CHD5: variants seen among roughly 807,000 people sequenced by gnomAD.
CHD5 encodes the protein chromodomain helicase DNA binding protein 5.
Under a neutral mutation model 230.3 loss-of-function variants are expected in CHD5, and 69 were observed. The ratio of observed to expected loss-of-function variants is 0.30; its 90% CI spans 0.25 to 0.37. The LOEUF (loss-of-function observed/expected upper bound fraction) is 0.37, where lower values mean the gene tolerates loss of function less well. Among genes scored for constraint, CHD5 ranks in the 10% least tolerant of loss-of-function variants. The pLI is 1.00. For missense variants in CHD5, 1,827 were observed against 2,622.8 expected (o/e 0.70, Z 6.63); for synonymous variants, 1,064 against 1,065.9 (o/e 1.00, Z 0.03).
rs1280420312 is a variant in CHD5 at position 6,149,081 on chromosome 1, G to A, written c.1162-6C>T. 1.3e-6 allele frequency: 2 copies of A among 1,511,120 alleles called. No individual in the cohort carries two copies. Among genetic ancestry groups the A allele is most frequent in the Non-Finnish European group, 1.8e-6 (2 of 1,127,680 alleles). 93.6% of individuals were successfully genotyped at this position (1,511,120 alleles called of 1,614,324 possible). A position where few individuals can be genotyped will look rare whatever the true frequency, so the allele number is the denominator to read the frequency against. On this transcript the variant is annotated splice_polypyrimidine_tract_variant and splice_region_variant and intron_variant, in intron 8 of 41. Coordinates refer to ENST00000262450, the MANE Select transcript of CHD5 (RefSeq NM_015557.3). The stretch of plus-strand genomic sequence containing the variant: ...CACTGGATCCCCTCCTTCTCCTGGG[G>A]GAGGAGGCCAGGTGGAGGCACCCTG...
chr1:6,110,195 C>G (rs77521993), intron 37 of CHD5, among the ~76,000 whole-genome samples, 199 bp downstream of exon 37: 61 of 152,328 alleles, frequency 4.0e-4, no homozygotes, highest in Non-Finnish European at 5.3e-4. Context: ...CACCCCAAGG[C>G]GGCAGATACT....
chr1:6,132,804 AG>A (rs1666678238), intron 20 of CHD5, among the ~76,000 whole-genome samples: 2 of 151,884 alleles, frequency 1.3e-5, no homozygotes, highest in African/African-American at 2.4e-5. Context: ...TCTTTATTTT[AG>A]GGTGTCAATT....
rs182828086 is a variant in CHD5, at chr1:6,103,506, G to T, written c.*1968C>A. 6.6e-6 allele frequency: 1 copy of T among 152,418 alleles called. No homozygotes were observed. 9.4% of individuals were successfully genotyped at this position (152,418 alleles called of 1,614,324 possible). The stretch of plus-strand genomic sequence containing the variant: ...GACCTATCTGCTGTGGGCCAAGGAA[G>T]GTGGGCACTGCTCCCAACGAGGGCC... On this transcript the variant is annotated 3_prime_UTR_variant, in exon 42 of 42. Coordinates refer to ENST00000262450, the MANE Select transcript of CHD5 (RefSeq NM_015557.3).
chr1:6,168,135 G>T lies in CHD5; in HGVS notation c.207+15C>A. 6.3e-7 allele frequency: 1 copy of T among 1,589,152 alleles called. No individual in the cohort carries two copies. Among genetic ancestry groups the T allele is most frequent in the Non-Finnish European group, 8.6e-7 (1 of 1,161,994 alleles). On this transcript the variant is annotated intron_variant, in intron 2 of 41. Transcript: ENST00000262450. The stretch of plus-strand genomic sequence containing the variant: ...CACCCGCCCCAAGCTCGCCGGCGCA[G>T]GTGCTGCCCCTCACCTCTTTCTTCT...
rs552196185 is a variant in CHD5, at chr1:6,123,680, A to G, written c.4699+268T>C. ...TGAGCTCAGGTGATCCTGCCGCCTC[A>G]GCCTCCTAAAGTGCTGTGATTAACA... On this transcript the variant is annotated intron_variant, in intron 31 of 41. Coordinates refer to ENST00000262450, the MANE Select transcript of CHD5 (RefSeq NM_015557.3). Among the ~76,000 whole-genome samples, 676 of 106,938 alleles carry G rather than the reference A, an allele frequency of 6.3e-3. 8 individuals carry two copies. Among genetic ancestry groups the G allele is most frequent in the African/African-American group, 0.02 (651 of 32,474 alleles). The allele number at this position is 106,938 out of a possible 152,430, so 70.2% of individuals were successfully genotyped here.
intron 33 of CHD5, among the ~76,000 whole-genome samples, chr1:6,120,315 T>C (rs1666448341): frequency 6.6e-6 from 1 of 152,154 alleles, no homozygotes; most frequent in East Asian, 1.9e-4. Context: ...ACAATGCAAT[T>C]GAGTCAGAAA....
chr1:6,144,071 G>A lies in CHD5; in HGVS notation c.1887C>T (p.Ile629=), dbSNP rs771414146. 2.4e-5 allele frequency: 38 copies of A among 1,614,052 alleles called. No individual in the cohort carries two copies. The highest frequency in any genetic ancestry group is 2.7e-5 in the Non-Finnish European group (32 of 1,180,036). ...TGAGGTTGTCGTAGTAGGGGATGTC[G>A]ATGTCATCGATCTCCCAGGTGCACT... The part of the protein sequence containing the change: ...YDQCTWEIDD[I]DIPYYDNLKQ... The change falls in exon 12 of 42, where the codon ATC becomes ATT. Residue 629 remains isoleucine (I), a synonymous_variant. Coordinates refer to ENST00000262450, the MANE Select transcript of CHD5 (RefSeq NM_015557.3).
At chr1:6,144,581 G>T (rs1045608558) in intron 11 of CHD5, among the ~76,000 whole-genome samples, 27 of 152,238 alleles carry the variant, frequency 1.8e-4, no homozygotes, top group Admixed American at 1.2e-3. Flanking sequence ...CCCACGTAGG[G>T]TGAGGAGTCA....
rs377460531 is a variant in CHD5 at position 6,134,697 on chromosome 1, A to G, written c.3012+21T>C. Reference sequence around the variant, plus strand: ...CCATGGCGGTCATGGAGAAGCTGCCATGATGGCCGGGGAAACCTACCACGG... The same window carrying G: ...CCATGGCGGTCATGGAGAAGCTGCCGTGATGGCCGGGGAAACCTACCACGG... On this transcript the variant is annotated intron_variant, in intron 19 of 41. Coordinates refer to ENST00000262450, the MANE Select transcript of CHD5 (RefSeq NM_015557.3). This position sits in a 1 kb window ranked among gnomAD's most constrained non-coding sequence, Gnocchi z 6.3. 32 of 1,613,838 alleles carry G rather than the reference A, an allele frequency of 2.0e-5. No individual in the cohort carries two copies. The African/African-American group carries it at 4.0e-4, about 20-fold the overall frequency.
chr1:6,174,509 G>GTGGGTGGA (rs1475785627), intron 1 of CHD5, among the ~76,000 whole-genome samples: 3 of 138,064 alleles, frequency 2.2e-5, no homozygotes, highest in Admixed American at 1.4e-4. Context: ...TGGATGGATG[G>GTGGGTGGA]TGGGTGGATG....
rs764129653 is a variant in CHD5, at chr1:6,154,878, T to C, written c.527A>G (p.Asn176Ser). ...QFLRPLIAKK[N>S]PKIPMSKMMT... is the part of the protein sequence containing the mutation. ...CATTTTGGACATGGGGATCTTCGGG[T>C]TCTTCTTGGCAATGAGTGGCCTGTA... Residue 176 changes from asparagine to serine, a missense_variant, in exon 5 of 42, where the codon AAC (asparagine) becomes AGC (serine). Around this residue, in one of 14 missense-constraint regions of CHD5, gnomAD observed 657 missense variants for 816.4 expected, o/e 0.80. Transcript: ENST00000262450. This position sits in a 1 kb window ranked among gnomAD's most constrained non-coding sequence, Gnocchi z 7.0. The C allele has an allele frequency of 6.2e-7, 1 of 1,613,660 alleles. No homozygotes were observed. The highest frequency in any genetic ancestry group is 1.1e-5 in the South Asian group (1 of 91,054).
At position 6,125,911 on chromosome 1, in the gene CHD5, C is replaced by T; in HGVS notation, c.4079-53G>A. The T allele has an allele frequency of 7.1e-7, 1 of 1,417,464 alleles. No homozygotes were observed. Among genetic ancestry groups the T allele is most frequent in the Non-Finnish European group, 9.9e-7 (1 of 1,011,472 alleles). 87.8% of individuals were successfully genotyped at this position (1,417,464 alleles called of 1,614,324 possible). A position where few individuals can be genotyped will look rare whatever the true frequency, so the allele number is the denominator to read the frequency against. On this transcript the variant is annotated intron_variant, in intron 26 of 41. Coordinates refer to ENST00000262450, the MANE Select transcript of CHD5 (RefSeq NM_015557.3). This position sits in a 1 kb window ranked among gnomAD's most constrained non-coding sequence, Gnocchi z 6.7. ...GAGTGAGCTGTACAAGCAAAGCCCA[C>T]CCTCAAGTTCAAGCATGCCCAGGGC...
Position 6,124,084 on chromosome 1 carries a change from G to A in CHD5, c.4563C>T (p.Asn1521=), listed in dbSNP as rs1372254803. The A allele has an allele frequency of 2.5e-6, 4 of 1,611,872 alleles. No homozygotes were observed. Among genetic ancestry groups the A allele is most frequent in the Non-Finnish European group, 3.4e-6 (4 of 1,179,426 alleles). The change falls in exon 31 of 42, where the codon AAC becomes AAT. Residue 1521 remains asparagine, a synonymous_variant. Transcript: ENST00000262450. The stretch of plus-strand genomic sequence containing the variant: ...TCAAGTCTGGGGTGCTGTACTTCCC[G>A]TTGACATGCTCAAACTCCTGAACCT... ...RKKVQEFEHV[N]GKYSTPDLIP...
chr1:6,119,178 G>A (rs1033935199), intron 33 of CHD5, among the ~76,000 whole-genome samples: 5 of 150,244 alleles, frequency 3.3e-5, no homozygotes, highest in Admixed American at 6.6e-5. Flanking sequence ...ACGGAATCTC[G>A]CTCTGTCACC....
At chr1:6,156,577 TG>T (rs1307609455) in intron 3 of CHD5, among the ~76,000 whole-genome samples, 1 of 149,612 alleles carries the variant, frequency 6.7e-6, no homozygotes, top group African/African-American at 2.5e-5. Context: ...CTCCCCAGGA[TG>T]CCAGGTATAG....
chr1:6,110,269 T>C, intron 37 of CHD5, 125 bp downstream of exon 37: 1 of 1,125,298 alleles, frequency 8.9e-7, no homozygotes. Context: ...TACTGCTGCT[T>C]CGTGGCAGCG....
chr1:6,121,499 C>A lies in CHD5; in HGVS notation c.4774G>T (p.Val1592Phe), dbSNP rs1469595109. Residue 1592 changes from valine (V) to phenylalanine (F), a missense_variant, in exon 32 of 42, where the codon GTC becomes TTC. Physicochemically the swap from Val to Phe is conservative, Grantham distance 50. This residue lies in a region of CHD5 where 272 missense variants were observed against 263.2 expected (regional missense o/e 1.03). Coordinates refer to ENST00000262450, the MANE Select transcript of CHD5 (RefSeq NM_015557.3). The surrounding 1 kb of genome is among the most constrained non-coding windows in gnomAD (Gnocchi z 4.5). ...GAQKPRQPLE[V>F]QALPAALDRV... is the part of the protein sequence containing the mutation. ...GACGCCAGCAAGTTCCACACCTGGACTTCCAGGGGCTGCCTTGGCTTCTGT... is the reference window on the plus strand; with the variant it reads ...GACGCCAGCAAGTTCCACACCTGGAATTCCAGGGGCTGCCTTGGCTTCTGT... 1 of 1,611,576 alleles carries A rather than the reference C, an allele frequency of 6.2e-7. No individual in the cohort carries two copies. The highest frequency in any genetic ancestry group is 8.5e-7 in the Non-Finnish European group (1 of 1,178,884).
intron 38 of CHD5, among the ~76,000 whole-genome samples, chr1:6,107,036 A>G (rs1571134844): frequency 3.6e-5 from 3 of 83,050 alleles, no homozygotes; most frequent in Admixed American, 1.2e-4. Flanking sequence ...TGGAGGGAAG[A>G]TGGAGGGATG....
chr1:6,143,586 T>C (rs1008461414), intron 13 of CHD5, among the ~76,000 whole-genome samples: 3 of 152,194 alleles, frequency 2.0e-5, no homozygotes, highest in African/African-American at 7.2e-5. Flanking sequence ...GGAGCTCTGC[T>C]GAGTGAGTCA....
Sources: gnomAD v4.1 joint callset for allele counts (sites outside exome capture counted in the v4.1 genomes callset) on GRCh38, gnomAD v4.1.1 for gene constraint, gnomAD v4.1.1 regional missense constraint, Gnocchi (gnomAD v3.1) non-coding constraint, MANE v1.5 for transcripts, NCBI Gene and HGNC (gene_info 2026-07-23, HGNC 2026-07-21) for gene names.